The following HORMAD2 variants were observed in gnomAD, a reference collection of about 807,000 sequenced individuals.
HORMAD2 encodes the protein HORMA domain-containing protein 2.
In HORMAD2, 45 loss-of-function variants were observed where a neutral mutation model predicts 38.8. The ratio of observed to expected loss-of-function variants is 1.16; its 90% CI spans 0.91 to 1.49. HORMAD2 has a LOEUF of 1.49. Ranked by LOEUF, HORMAD2 falls within the 40% of genes most tolerant of loss-of-function variation. HORMAD2 has a pLI of 0.00. For synonymous variants in HORMAD2, 126 were observed against 122.8 expected (o/e 1.03, Z -0.17); for missense variants, 338 against 367.0 (o/e 0.92, Z 0.65).
chr22:30,196,899 A>G, the HORMAD2 span, among the ~76,000 whole-genome samples: 9 of 152,164 alleles, frequency 5.9e-5, no homozygotes, highest in African/African-American at 2.2e-4. Flanking sequence ...TGAATGCCTC[A>G]TTGTTTAATA....
At chr22:30,198,524 G>T in the HORMAD2 span, among the ~76,000 whole-genome samples, 1 of 150,370 alleles carries the variant, frequency 6.7e-6, no homozygotes, top group East Asian at 1.9e-4. Context: ...TTTTTTTAAA[G>T]CTCTCCAGCT....
At chr22:30,091,844 G>A (rs1027501649) in intron 1 of HORMAD2, among the ~76,000 whole-genome samples, 2 of 151,758 alleles carry the variant, frequency 1.3e-5, no homozygotes, top group African/African-American at 2.4e-5. Flanking sequence ...ATCCTTGCCA[G>A]CATTCGTTAT....
chr22:30,118,196 G>T (rs1031026582), intron 7 of HORMAD2, among the ~76,000 whole-genome samples: 1 of 152,014 alleles, frequency 6.6e-6, no homozygotes, highest in Admixed American at 6.5e-5. Context: ...AGCCAACAAG[G>T]CCCCATAGTC....
the HORMAD2 span, among the ~76,000 whole-genome samples, chr22:30,195,192 C>CAAA: frequency 7.8e-5 from 7 of 89,586 alleles, no homozygotes; most frequent in South Asian, 3.5e-4. Flanking sequence ...GACTCCGTCT[C>CAAA]AAAAAAAAAA....
chr22:30,162,119 C>T (rs1256969724), intron 10 of HORMAD2, among the ~76,000 whole-genome samples: 2 of 152,064 alleles, frequency 1.3e-5, no homozygotes, highest in Admixed American at 6.5e-5. Context: ...TTGAGACCAG[C>T]GTGGGCAACA....
intron 3 of HORMAD2, 75 bp from the exon 4 acceptor site, chr22:30,103,362 C>A: frequency 1.3e-6 from 1 of 791,842 alleles, no homozygotes; most frequent in Non-Finnish European, 2.2e-6. Context: ...AAAGGAAATA[C>A]CCTATTTAGC....
the HORMAD2 span, among the ~76,000 whole-genome samples, chr22:30,182,642 T>A: frequency 6.6e-6 from 1 of 152,164 alleles, no homozygotes; most frequent in East Asian, 1.9e-4. Flanking sequence ...ATTTGTTGAA[T>A]GAGCTGGGTG....
At chr22:30,139,035 A>G (rs1923865712) in intron 10 of HORMAD2, among the ~76,000 whole-genome samples, 2 of 151,608 alleles carry the variant, frequency 1.3e-5, no homozygotes, top group Admixed American at 6.6e-5. Flanking sequence ...GGCCTCCCTG[A>G]GCGGGAGGGA....
chr22:30,192,644 G>A, the HORMAD2 span, among the ~76,000 whole-genome samples: 1 of 152,224 alleles, frequency 6.6e-6, no homozygotes, highest in African/African-American at 2.4e-5. Context: ...GTAAACTACA[G>A]GATGTTGTCC....
rs1921624468 is a variant in HORMAD2 at position 30,111,203 on chromosome 22, A to G, written c.295-593A>G. Among the ~76,000 whole-genome samples the G allele has an allele frequency of 3.3e-5, 5 of 150,962 alleles. No homozygotes were observed. In the East Asian group the frequency reaches 5.9e-4, roughly 18 times the overall value. On this transcript the variant is annotated intron_variant, in intron 5 of 10. Coordinates refer to ENST00000336726, the MANE Select transcript of HORMAD2 (RefSeq NM_152510.4). Reference sequence around the variant, plus strand: ...GAAAGAAAGAAAAAGAAAATACTACAGGCTGGGCACAGTGGCTCATGCCTG... The same window carrying G: ...GAAAGAAAGAAAAAGAAAATACTACGGGCTGGGCACAGTGGCTCATGCCTG...
the HORMAD2 span, chr22:30,206,966 A>C: frequency 7.1e-6 from 3 of 420,962 alleles, no homozygotes; most frequent in Non-Finnish European, 1.5e-5. Context: ...CACCCGCCCC[A>C]CTTTCTTCTC....
intron 10 of HORMAD2, among the ~76,000 whole-genome samples, chr22:30,166,879 T>C (rs942003822): frequency 6.6e-6 from 1 of 152,238 alleles, no homozygotes; most frequent in Admixed American, 6.5e-5. Context: ...GGAAGATTTC[T>C]GTTTTCTTAA....
chr22:30,092,597 G>T (rs2068710799), intron 1 of HORMAD2, among the ~76,000 whole-genome samples: 1 of 151,872 alleles, frequency 6.6e-6, no homozygotes. Flanking sequence ...ATGTCCTGAA[G>T]CATTTTTCCT....
In HORMAD2 at chr22:30,172,565, G is replaced by T. The variant is rs564396077; in HGVS notation, c.820-3498G>T. ...GCCAATAATTAAAGAGCATCTACCA[G>T]ATGGCAGGAACTGAGAATACAAAGA... is the stretch of plus-strand genomic sequence containing the variant. On this transcript the variant is annotated intron_variant, in intron 10 of 10. Coordinates refer to ENST00000336726, the MANE Select transcript of HORMAD2 (RefSeq NM_152510.4). 2.6e-5 allele frequency among the ~76,000 whole-genome samples: 4 copies of T among 152,222 alleles called. No individual in the cohort carries two copies. The South Asian group carries it at 8.3e-4, about 32-fold the overall frequency.
In HORMAD2 at chr22:30,169,991, G is replaced by A. The variant is rs377236122; in HGVS notation, c.820-6072G>A. 4.6e-5 allele frequency among the ~76,000 whole-genome samples: 7 copies of A among 152,144 alleles called. No homozygotes were observed. In the South Asian group the frequency reaches 1.2e-3, roughly 27 times the overall value. On this transcript the variant is annotated intron_variant, in intron 10 of 10. Transcript: ENST00000336726. Reference sequence around the variant, plus strand: ...AACATAAACTTCATTTACGTTAATAGCATTTATTTTATAATTACTGTTGAT... The same window carrying A: ...AACATAAACTTCATTTACGTTAATAACATTTATTTTATAATTACTGTTGAT...
downstream of HORMAD2, among the ~76,000 whole-genome samples, chr22:30,177,964 G>A (rs532538014): frequency 6.6e-6 from 1 of 151,998 alleles, no homozygotes; most frequent in South Asian, 2.1e-4. Flanking sequence ...ACAGGCATGA[G>A]CCACCACACC....
intron 10 of HORMAD2, among the ~76,000 whole-genome samples, chr22:30,129,217 CAAAAAAAAAAAAAAAAA>C (rs750796623): frequency 1.9e-3 from 43 of 22,636 alleles, no homozygotes; most frequent in East Asian, 7.9e-3. Context: ...GACTCTATCT[CAAAAAAAAAAAAAAAAA>C]AAAAAAAAAA....
In HORMAD2 at chr22:30,165,192, C is replaced by T. The variant is rs996040725; in HGVS notation, c.820-10871C>T. ...GCGTTTGTTGAAAAGACTATCTTTC[C>T]TCATTGAAAATCATTTGACCATATA... On this transcript the variant is annotated intron_variant, in intron 10 of 10. Transcript: ENST00000336726. Among the ~76,000 whole-genome samples, 14 of 152,192 alleles carry T rather than the reference C, an allele frequency of 9.2e-5. No homozygotes were observed. In the East Asian group the frequency reaches 2.7e-3, roughly 29 times the overall value.
At chr22:30,178,684 T>C (rs1171100322), downstream of HORMAD2, among the ~76,000 whole-genome samples, 1 of 152,216 alleles carries the variant, frequency 6.6e-6, no homozygotes, top group African/African-American at 2.4e-5. Flanking sequence ...ACAGGCCCCA[T>C]GCTGGGATGC....
Sources: gnomAD v4.1 joint callset for allele counts (sites outside exome capture counted in the v4.1 genomes callset) on GRCh38, gnomAD v4.1.1 for gene constraint, MANE v1.5 for transcripts, NCBI Gene and HGNC (gene_info 2026-07-23, HGNC 2026-07-21) for gene names.